Variants in EHMT1 observed in about 807,000 individuals in gnomAD.
The protein encoded by EHMT1 is histone-lysine N-methyltransferase EHMT1.
A neutral mutation model predicts 147.2 loss-of-function variants in EHMT1; 15 were observed. The ratio of observed to expected loss-of-function variants is 0.10; its 90% confidence interval spans 0.07 to 0.16. The LOEUF (loss-of-function observed/expected upper bound fraction) is 0.16. Ranked by LOEUF, EHMT1 falls within the 10% of genes least tolerant of loss-of-function variation. The pLI, the probability that EHMT1 is intolerant of heterozygous loss-of-function variation, is 1.00. For missense variants in EHMT1, 1,587 were observed against 1,772.4 expected (o/e 0.90, Z 1.88); for synonymous variants, 795 against 709.6 (o/e 1.12, Z -1.91).
chr9:137,780,479 A>G (rs868520580), intron 14 of EHMT1, among the ~76,000 whole-genome samples: 10 of 95,348 alleles, frequency 1.0e-4, no homozygotes, highest in Admixed American at 2.5e-4. Flanking sequence ...GATGACGCTG[A>G]GACGTGTGGT....
intron 10 of EHMT1, among the ~76,000 whole-genome samples, chr9:137,770,655 G>C (rs1383509101): frequency 1.3e-5 from 2 of 152,178 alleles, no homozygotes; most frequent in African/African-American, 4.8e-5. Context: ...TAGGCCATAG[G>C]GTTCGCTTCC....
chr9:137,830,404 T>C (rs1447703960), intron 25 of EHMT1, among the ~76,000 whole-genome samples: 1 of 152,246 alleles, frequency 6.6e-6, no homozygotes, highest in African/African-American at 2.4e-5. Context: ...TGACTCACTT[T>C]TCAGAGGACA....
intron 1 of EHMT1, among the ~76,000 whole-genome samples, chr9:137,665,771 C>A (rs2134148378): frequency 6.6e-6 from 1 of 152,320 alleles, no homozygotes; most frequent in African/African-American, 2.4e-5. Flanking sequence ...TGGTTTCCAT[C>A]TGAGAACACT....
Position 137,754,196 on chromosome 9 carries a change from A to C in EHMT1, c.1274A>C (p.Lys425Thr), listed in dbSNP as rs1391443830. ...AGTTCGGAATCCAGCATTAAGAAGA[A>C]ATTTCTCAAGAGGAAAGGAAAGACC... ...DLSSESSIKKKFLKRKGKTDS... is the reference protein window; with the variant it reads ...DLSSESSIKKTFLKRKGKTDS... The change falls in exon 8 of 27, where the codon AAA (lysine) becomes ACA (threonine). Residue 425 changes from lysine (K) to threonine (T), a missense_variant. Physicochemically the swap from Lys to Thr is moderately conservative, Grantham distance 78 (BLOSUM62 -1). Coordinates refer to ENST00000460843, the MANE Select transcript of EHMT1 (RefSeq NM_024757.5). 3 of 1,614,028 alleles carry C rather than the reference A, an allele frequency of 1.9e-6. No individual in the cohort carries two copies. The highest frequency in any genetic ancestry group is 2.7e-5 in the African/African-American group (2 of 74,902).
chr9:137,760,264 G>A (rs976122130), intron 9 of EHMT1, among the ~76,000 whole-genome samples: 6 of 152,244 alleles, frequency 3.9e-5, no homozygotes, highest in Non-Finnish European at 8.8e-5. Flanking sequence ...CTGAGCCACT[G>A]CATTGTTATC....
At chr9:137,764,774 G>C (rs150775394) in intron 10 of EHMT1, 9 of 152,302 alleles carry the variant, frequency 5.9e-5, no homozygotes, top group African/African-American at 2.2e-4. Flanking sequence ...CTGCTGCAAT[G>C]TCTCTTAAGT....
At chr9:137,629,332 TC>T (rs1564519241) in intron 1 of EHMT1, among the ~76,000 whole-genome samples, 1 of 151,884 alleles carries the variant, frequency 6.6e-6, no homozygotes, top group Non-Finnish European at 1.5e-5. Context: ...CCTCAGGTGA[TC>T]TGCCTGCCTC....
At chr9:137,680,524 T>C (rs141516330) in intron 1 of EHMT1, among the ~76,000 whole-genome samples, 1 of 152,338 alleles carries the variant, frequency 6.6e-6, no homozygotes, top group African/African-American at 2.4e-5. Context: ...AAATTATGTA[T>C]AGATTTACCA....
chr9:137,635,449 T>C (rs1843943843), intron 1 of EHMT1, among the ~76,000 whole-genome samples: 1 of 151,496 alleles, frequency 6.6e-6, no homozygotes, highest in African/African-American at 2.4e-5. Flanking sequence ...ACTTCTGACC[T>C]CGTGATTCGC....
chr9:137,715,552 C>T lies in EHMT1; in HGVS notation c.86-1074C>T, dbSNP rs994565247. The T allele has an allele frequency of 2.7e-5, 27 of 985,360 alleles. No homozygotes were observed. The East Asian group carries it at 3.4e-4, about 12-fold the overall frequency. The allele number at this position is 985,360 out of a possible 1,614,324, so 61.0% of individuals were successfully genotyped here. A position where few individuals can be genotyped will look rare whatever the true frequency, so the allele number is the denominator to read the frequency against. ...CAGAGCCAGGAAGGAGGGCACTGGG[C>T]GGTGGCATCTCAGGCTTGACTGAGC... On this transcript the variant is annotated intron_variant, in intron 2 of 26. Transcript: ENST00000460843.
intron 1 of EHMT1, among the ~76,000 whole-genome samples, chr9:137,684,335 C>A (rs988074722): frequency 2.0e-5 from 3 of 152,090 alleles, no homozygotes; most frequent in Admixed American, 6.6e-5. Context: ...GCCTGGCCAA[C>A]TGTTTTTAAT....
chr9:137,711,218 G>C (rs1305003012), intron 2 of EHMT1, among the ~76,000 whole-genome samples, 188 bp downstream of exon 2: 4 of 152,206 alleles, frequency 2.6e-5, no homozygotes, highest in Non-Finnish European at 4.4e-5. Context: ...AGCTCTGCCA[G>C]AGAAGGAACA....
intron 3 of EHMT1, among the ~76,000 whole-genome samples, chr9:137,726,946 C>G (rs899012673): frequency 1.3e-5 from 2 of 152,126 alleles, no homozygotes; most frequent in African/African-American, 4.8e-5. Flanking sequence ...GCTCATTAGC[C>G]ATTTGTATGT....
chr9:137,800,651 G>A, intron 17 of EHMT1: 1 of 578,134 alleles, frequency 1.7e-6, no homozygotes, highest in Non-Finnish European at 3.1e-6. Context: ...CAGGGTTGTT[G>A]GGCCTGGGCC....
chr9:137,750,286 A>C lies in EHMT1; in HGVS notation c.1171-2045A>C, dbSNP rs543952249. ...CTCTAGAAAATTTCAAGCTGCACAA[A>C]CACACAGAGGACAGTGAGCATTCTC... On this transcript the variant is annotated intron_variant, in intron 6 of 26. Coordinates refer to ENST00000460843, the MANE Select transcript of EHMT1 (RefSeq NM_024757.5). Among the ~76,000 whole-genome samples, 11 of 152,350 alleles carry C rather than the reference A, an allele frequency of 7.2e-5. No homozygotes were observed. The East Asian group carries it at 2.1e-3, about 29-fold the overall frequency.
At chr9:137,812,928 G>A in intron 19 of EHMT1, 78 bp from the exon 20 acceptor site, 1 of 1,577,520 alleles carries the variant, frequency 6.3e-7, no homozygotes, top group Middle Eastern at 1.7e-4. Flanking sequence ...AGTGATGACG[G>A]ACATTTTATA....
intron 6 of EHMT1, among the ~76,000 whole-genome samples, chr9:137,751,239 C>A (rs1176763705): frequency 6.6e-6 from 1 of 152,064 alleles, no homozygotes; most frequent in Admixed American, 6.5e-5. Context: ...ACCTGGAAGC[C>A]ATGAAGGAAA....
intron 1 of EHMT1, among the ~76,000 whole-genome samples, chr9:137,672,080 G>A (rs117028804): frequency 0.012 from 1,831 of 152,270 alleles, 21 homozygotes; most frequent in Non-Finnish European, 0.017. Context: ...TTTACCTTTC[G>A]CTCTCATTCT....
chr9:137,812,076 C>T (rs374750370), intron 19 of EHMT1, among the ~76,000 whole-genome samples: 54 of 152,216 alleles, frequency 3.5e-4, no homozygotes, highest in African/African-American at 1.2e-3. Context: ...TGGTGGCTCA[C>T]GCCTGTAATC....
Sources: gnomAD v4.1 joint callset for allele counts (sites outside exome capture counted in the v4.1 genomes callset) on GRCh38, gnomAD v4.1.1 for gene constraint, MANE v1.5 for transcripts, NCBI Gene and HGNC (gene_info 2026-07-23, HGNC 2026-07-21) for gene names.